The following TMEM243 variants were observed in gnomAD, a reference collection of about 807,000 sequenced individuals.
TMEM243 encodes the protein MDR1 and mitochondrial taxol resistance associated.
In TMEM243, 20 loss-of-function variants were observed where a neutral mutation model predicts 15.0. The ratio of observed to expected loss-of-function variants is 1.33; its 90% CI spans 0.94 to 1.93. The LOEUF (loss-of-function observed/expected upper bound fraction) is 1.93, where lower values mean the gene tolerates loss of function less well. TMEM243 is among the 30% of genes most tolerant of loss of function. The pLI, the probability that TMEM243 is intolerant of heterozygous loss-of-function variation, is 0.00. For missense variants in TMEM243, 156 were observed against 142.1 expected (o/e 1.10, Z -0.50); for synonymous variants, 72 against 52.7 (o/e 1.37, Z -1.59).
chr7:87,196,922 TTACTC>T (rs948212182), intron 3 of TMEM243, among the ~76,000 whole-genome samples, 164 bp from the exon 4 acceptor site: 1 of 151,354 alleles, frequency 6.6e-6, no homozygotes, highest in African/African-American at 2.4e-5. Flanking sequence ...AATTTAATTC[TTACTC>T]TGAGTTTCCA....
chr7:87,197,542 GTAA>G (rs1801400164), intron 3 of TMEM243, among the ~76,000 whole-genome samples: 1 of 151,916 alleles, frequency 6.6e-6, no homozygotes. Flanking sequence ...AACTAATTTT[GTAA>G]TAATTAGAAT....
intron 1 of TMEM243, among the ~76,000 whole-genome samples, chr7:87,212,538 CTCAGTT>C (rs1584547905): frequency 6.6e-6 from 1 of 152,124 alleles, no homozygotes; most frequent in East Asian, 1.9e-4. Flanking sequence ...GAGACCAGAC[CTCAGTT>C]TAAGTTTTTT....
chr7:87,211,201 C>G (rs1381755169), intron 1 of TMEM243, among the ~76,000 whole-genome samples: 1 of 152,174 alleles, frequency 6.6e-6, no homozygotes, highest in Non-Finnish European at 1.5e-5. Context: ...GCAGCCTGAC[C>G]CTCAGTTTGG....
At chr7:87,197,715 T>TGGG in intron 3 of TMEM243, 1 of 275,584 alleles carries the variant, frequency 3.6e-6, no homozygotes, top group Non-Finnish European at 4.8e-6. Context: ...TTTTTTTTTT[T>TGGG]TAAGCTATCA....
At chr7:87,209,597 T>TGA (rs201447298) in intron 1 of TMEM243, among the ~76,000 whole-genome samples, 8 of 97,380 alleles carry the variant, frequency 8.2e-5, no homozygotes, top group East Asian at 3.2e-4. Context: ...AGTGAGACAG[T>TGA]GAGAGAGAGA....
chr7:87,219,157 G>T (rs879692719), intron 1 of TMEM243, among the ~76,000 whole-genome samples: 88 of 152,168 alleles, frequency 5.8e-4, no homozygotes, highest in Non-Finnish European at 1.2e-4. Context: ...CCTCCGGAGG[G>T]GGTTCCCGCA....
chr7:87,197,830 G>T, intron 3 of TMEM243, 111 bp downstream of exon 3: 1 of 1,565,202 alleles, frequency 6.4e-7, no homozygotes. Flanking sequence ...GGGAGGATGA[G>T]GATATAATTA....
At chr7:87,213,726 G>A (rs375245481) in intron 1 of TMEM243, among the ~76,000 whole-genome samples, 4 of 152,078 alleles carry the variant, frequency 2.6e-5, no homozygotes, top group African/African-American at 9.6e-5. Context: ...AGTTTGAATT[G>A]CTTGACTAAC....
intron 1 of TMEM243, among the ~76,000 whole-genome samples, chr7:87,209,020 G>A (rs993099646): frequency 6.6e-6 from 1 of 152,210 alleles, no homozygotes; most frequent in Non-Finnish European, 1.5e-5. Context: ...CCTCACCTGG[G>A]CCTTCACTGT....
chr7:87,205,480 G>A (rs1802146101), intron 1 of TMEM243, among the ~76,000 whole-genome samples: 1 of 151,896 alleles, frequency 6.6e-6, no homozygotes, highest in African/African-American at 2.4e-5. Context: ...GCTTTTAACA[G>A]CACCTAAGTC....
At chr7:87,202,126 T>A (rs573744823) in intron 1 of TMEM243, among the ~76,000 whole-genome samples, 42 of 152,344 alleles carry the variant, frequency 2.8e-4, no homozygotes, top group African/African-American at 1.0e-3. Context: ...AAACATTATC[T>A]ACTATAATTC....
intron 1 of TMEM243, among the ~76,000 whole-genome samples, chr7:87,216,304 G>C (rs1249803993): frequency 6.7e-6 from 1 of 149,460 alleles, no homozygotes; most frequent in East Asian, 1.9e-4. Flanking sequence ...AAGTTAGCCA[G>C]GCTTGGTAGA....
At chr7:87,215,683 T>C (rs904202454) in intron 1 of TMEM243, among the ~76,000 whole-genome samples, 4 of 152,178 alleles carry the variant, frequency 2.6e-5, no homozygotes, top group Admixed American at 2.6e-4. Context: ...AGAAGTACTA[T>C]AGCACAAAAC....
rs1026145389 is a variant in TMEM243, at chr7:87,197,946, T to C, written c.229A>G (p.Ile77Val). The C allele has an allele frequency of 2.5e-6, 4 of 1,613,046 alleles. No homozygotes were observed. Among genetic ancestry groups the C allele is most frequent in the African/African-American group, 2.7e-5 (2 of 74,860 alleles). Reference protein sequence around the residue: ...CISLSSITACILIYWYRQGDL... With the variant: ...CISLSSITACVLIYWYRQGDL... ...AAATTCTCAACAGTACTTACAAGTA[T>C]GCAGGCAGTAATACTACTCAAAGAG... Residue 77 changes from isoleucine (I) to valine (V), a missense_variant, in exon 3 of 4, where the codon ATA becomes GTA. Coordinates refer to ENST00000257637, the MANE Select transcript of TMEM243 (RefSeq NM_024315.4).
chr7:87,217,558 A>T (rs1375242967), intron 1 of TMEM243, among the ~76,000 whole-genome samples: 1 of 152,188 alleles, frequency 6.6e-6, no homozygotes, highest in African/African-American at 2.4e-5. Flanking sequence ...CCCACCTCAG[A>T]CCAGGGGTCT....
At chr7:87,219,178 G>C (rs771361964) in intron 1 of TMEM243, among the ~76,000 whole-genome samples, 8 of 152,106 alleles carry the variant, frequency 5.3e-5, no homozygotes, top group Non-Finnish European at 1.0e-4. Context: ...CTCCCCAGAA[G>C]GGCTTCCAAC....
chr7:87,204,949 TC>T (rs1192541849), intron 1 of TMEM243, among the ~76,000 whole-genome samples: 1 of 152,256 alleles, frequency 6.6e-6, no homozygotes, highest in East Asian at 1.9e-4. Flanking sequence ...TGCCTGGACA[TC>T]CAGGTGTTTC....
At position 87,198,009 on chromosome 7, in the gene TMEM243, G is replaced by A; in HGVS notation, c.166C>T (p.Pro56Ser). The A allele has an allele frequency of 8.7e-6, 14 of 1,612,740 alleles. No individual in the cohort carries two copies. Among genetic ancestry groups the A allele is most frequent in the Non-Finnish European group, 1.1e-5 (13 of 1,179,154 alleles). Residue 56 changes from proline to serine, a missense_variant, in exon 3 of 4, where the codon CCT becomes TCT. Pro to Ser is a moderately conservative substitution (Grantham distance 74). Transcript: ENST00000257637. ...LISAFVFPQLPPKPLNIFFAV... is the reference protein window; with the variant it reads ...LISAFVFPQLSPKPLNIFFAV... Reference sequence around the variant, plus strand: ...AAGAATATATTCAACGGTTTTGGAGGTAGTTGAGGGAAAACAAAAGCACTT... The same window carrying A: ...AAGAATATATTCAACGGTTTTGGAGATAGTTGAGGGAAAACAAAAGCACTT...
chr7:87,214,467 A>C (rs2129238454), intron 1 of TMEM243, among the ~76,000 whole-genome samples: 1 of 152,324 alleles, frequency 6.6e-6, no homozygotes, highest in South Asian at 2.1e-4. Flanking sequence ...TGTTTCCCAA[A>C]GTATATTCTG....
Sources: gnomAD v4.1 joint callset for allele counts (sites outside exome capture counted in the v4.1 genomes callset) on GRCh38, gnomAD v4.1.1 for gene constraint, MANE v1.5 for transcripts, NCBI Gene and HGNC (gene_info 2026-07-23, HGNC 2026-07-21) for gene names.